Variants in SLC48A1 observed in about 807,000 individuals in gnomAD.
SLC48A1 encodes heme transporter HRG1.
A neutral mutation model predicts 14.8 loss-of-function variants in SLC48A1; 6 were observed. The observed-to-expected ratio is 0.41, with a 90% CI of 0.22 to 0.80. SLC48A1 has a LOEUF of 0.80. Ranked by LOEUF, SLC48A1 falls within the 30% of genes least tolerant of loss-of-function variation. The probability of loss-of-function intolerance (pLI) is 0.34; values close to 1 mark genes in which losing one functional copy is unlikely to be tolerated. For synonymous variants in SLC48A1, 89 were observed against 90.0 expected, an observed-to-expected ratio of 0.99 and a Z score of 0.06; for missense variants, 165 against 204.8, an observed-to-expected ratio of 0.81 and a Z score of 1.19.
intron 2 of SLC48A1, among the ~76,000 whole-genome samples, chr12:47,762,577 C>T (rs1414686614): frequency 1.3e-5 from 2 of 152,228 alleles, no homozygotes; most frequent in Admixed American, 6.5e-5. Flanking sequence ...TGGTCTCTTC[C>T]AGTATTTACT....
At chr12:47,758,309 C>T, upstream of SLC48A1, 1 of 1,434,044 alleles carries the variant, frequency 7.0e-7, no homozygotes, top group East Asian at 2.5e-5. Context: ...TCAGGCCCTT[C>T]TTAGTCCTCT....
In SLC48A1 at chr12:47,780,272, C is replaced by A. The variant is rs534227442; in HGVS notation, c.432C>A (p.Ser144Arg). 3.1e-6 allele frequency: 5 copies of A among 1,614,118 alleles called. No homozygotes were observed. In the African/African-American group the frequency reaches 5.3e-5, roughly 17 times the overall value. Residue 144 changes from serine (S) to arginine (R), a missense_variant, in exon 3 of 3, where the codon AGC becomes AGA. By Grantham distance (110) the Ser-to-Arg change is moderately radical. Transcript: ENST00000442218. ...ACTTTGCTGACATCAGCATCCTCAG[C>A]GATTTCTGACCCAGGGGGTGAGGTC... Reference protein sequence around the residue: ...RADFADISILSDF With the variant: ...RADFADISILRDF
chr12:47,762,896 G>A (rs573882309), intron 2 of SLC48A1, among the ~76,000 whole-genome samples: 5 of 152,192 alleles, frequency 3.3e-5, no homozygotes, highest in Non-Finnish European at 4.4e-5. Context: ...TGTAGGTGCC[G>A]GGGAACTTTG....
At chr12:47,770,811 C>T (rs776088114), upstream of SLC48A1, 27 of 456,552 alleles carry the variant, frequency 5.9e-5, no homozygotes, top group Admixed American at 5.2e-4. Flanking sequence ...TCTCCAAACC[C>T]GCTACTCTAC....
chr12:47,764,262 C>T (rs1451789202), intron 2 of SLC48A1, among the ~76,000 whole-genome samples: 1 of 152,104 alleles, frequency 6.6e-6, no homozygotes, highest in African/African-American at 2.4e-5. Context: ...TGGCCACTTT[C>T]CCTAAGAGTC....
In SLC48A1 at chr12:47,765,462, G is replaced by C. The variant is rs900512711; in HGVS notation, c.-187+5061G>C. On this transcript the variant is annotated intron_variant, in intron 2 of 4. Transcript: ENST00000547002. ...TGGAAGTGCAGAGCCTGGTCCGTGA[G>C]CTCTGCCTAACACACTGCAGGGCTG... Among the ~76,000 whole-genome samples the C allele has an allele frequency of 2.0e-5, 3 of 152,342 alleles. No homozygotes were observed. The East Asian group carries it at 5.8e-4, about 29-fold the overall frequency.
intron 1 of SLC48A1, chr12:47,759,221 G>C (rs1024868321): frequency 1.8e-6 from 1 of 545,536 alleles, no homozygotes; most frequent in Non-Finnish European, 2.3e-6. Context: ...AGAGCGGGGA[G>C]GGGGTGAGTC....
chr12:47,774,776 G>T (rs1942705591), intron 1 of SLC48A1, among the ~76,000 whole-genome samples: 1 of 152,120 alleles, frequency 6.6e-6, no homozygotes, highest in Non-Finnish European at 1.5e-5. Flanking sequence ...CTGCCCAGCT[G>T]CCTCACCACC....
At chr12:47,778,985 C>G (rs1942806722) in intron 1 of SLC48A1, 43 bp from the exon 2 acceptor site, 1 of 1,538,362 alleles carries the variant, frequency 6.5e-7, no homozygotes, top group Non-Finnish European at 8.8e-7. Flanking sequence ...CTGCAGGGCT[C>G]TGGAGCACCC....
chr12:47,763,075 T>C lies in SLC48A1; in HGVS notation c.-187+2674T>C, dbSNP rs545599179. Among the ~76,000 whole-genome samples the C allele has an allele frequency of 2.0e-5, 3 of 152,304 alleles. No individual in the cohort carries two copies. In the East Asian group the frequency reaches 5.8e-4, roughly 29 times the overall value. ...GATGCTTAATGATTACGGGTGGAAA[T>C]GAAATGAACAGGAACAGTGGGCAGT... On this transcript the variant is annotated intron_variant, in intron 2 of 4. Transcript: ENST00000547002.
chr12:47,779,497 C>T (rs1942820332), intron 2 of SLC48A1, among the ~76,000 whole-genome samples: 1 of 152,292 alleles, frequency 6.6e-6, no homozygotes, highest in Middle Eastern at 3.4e-3. Flanking sequence ...GTGGCTGTGG[C>T]TGGAAATAAC....
At chr12:47,756,197 G>T (rs974211577), upstream of SLC48A1, 6 of 152,246 alleles carry the variant, frequency 3.9e-5, no homozygotes, top group Admixed American at 3.3e-4. Flanking sequence ...TGGAGAGTCA[G>T]GAGACAGCTT....
At chr12:47,768,324 G>T (rs1235314759), upstream of SLC48A1, among the ~76,000 whole-genome samples, 1 of 152,138 alleles carries the variant, frequency 6.6e-6, no homozygotes, top group Non-Finnish European at 1.5e-5. Context: ...GTGGAGAGAG[G>T]ATTAGAGGGG....
At chr12:47,780,024 G>T in intron 2 of SLC48A1, 121 bp from the exon 3 acceptor site, 1 of 1,249,260 alleles carries the variant, frequency 8.0e-7, no homozygotes, top group Non-Finnish European at 1.1e-6. Context: ...CTGAAGGGTT[G>T]GTTCAGCTGC....
chr12:47,766,886 G>T (rs1942526643), upstream of SLC48A1, among the ~76,000 whole-genome samples: 2 of 152,184 alleles, frequency 1.3e-5, no homozygotes, highest in Non-Finnish European at 2.9e-5. Context: ...GCAGAAGGCA[G>T]CCCTAGCCCT....
chr12:47,764,135 GGA>G (rs1942457682), intron 2 of SLC48A1, among the ~76,000 whole-genome samples: 2 of 152,102 alleles, frequency 1.3e-5, no homozygotes, highest in South Asian at 4.1e-4. Flanking sequence ...TGCTTCTCAA[GGA>G]GAGAGAGAGC....
chr12:47,766,411 C>G (rs1302463676), intron 2 of SLC48A1, among the ~76,000 whole-genome samples: 2 of 152,164 alleles, frequency 1.3e-5, no homozygotes, highest in Non-Finnish European at 2.9e-5. Context: ...GTCAGTCAGC[C>G]CCATTTGTCC....
rs1942873803 is a variant in SLC48A1, at chr12:47,781,400, C to T, written c.*1119C>T. ...CACCGGCCAGGAGAGACCTTCTCTC[C>T]CACTCCAGCCCCTCTCACTGCCCTT... is the stretch of plus-strand genomic sequence containing the variant. On this transcript the variant is annotated 3_prime_UTR_variant, in exon 3 of 3. Transcript: ENST00000442218. 1 of 155,534 alleles carries T rather than the reference C, an allele frequency of 6.4e-6. No individual in the cohort carries two copies. The highest frequency in any genetic ancestry group is 1.4e-5 in the Non-Finnish European group (1 of 69,738). The allele number at this position is 155,534 out of a possible 1,614,324, so 9.6% of individuals were successfully genotyped here.
upstream of SLC48A1, chr12:47,768,653 C>G (rs1942566866): frequency 6.6e-6 from 1 of 152,160 alleles, no homozygotes; most frequent in Admixed American, 6.5e-5. Context: ...GTAGGTGTAT[C>G]CTTGACCCAG....
Sources: gnomAD v4.1 joint callset for allele counts (sites outside exome capture counted in the v4.1 genomes callset) on GRCh38, gnomAD v4.1.1 for gene constraint, MANE v1.5 for transcripts, NCBI Gene and HGNC (gene_info 2026-07-23, HGNC 2026-07-21) for gene names.